The following NHSL2 variants were observed in gnomAD, a reference collection of about 807,000 sequenced individuals.
The protein encoded by NHSL2 is NHS-like protein 2.
Under a neutral mutation model 53.4 loss-of-function variants are expected in NHSL2, and 27 were observed. The observed-to-expected ratio is 0.51, with a 90% CI of 0.37 to 0.70. NHSL2 has a LOEUF of 0.70. NHSL2 is among the 30% of genes least tolerant of loss of function. The pLI is 0.00. For missense variants in NHSL2, 892 were observed against 980.1 expected, an observed-to-expected ratio of 0.91 and a Z score of 1.20; for synonymous variants, 408 against 404.1, an observed-to-expected ratio of 1.01 and a Z score of -0.12.
intron 1 of NHSL2, among the ~76,000 whole-genome samples, chrX:72,064,109 T>G (rs1330758160): frequency 1.8e-5 from 2 of 111,620 alleles, no homozygotes; most frequent in Non-Finnish European, 3.8e-5. Context: ...AAGAGAAGTT[T>G]ATGTTTCAGG....
rs572341327 is a variant in NHSL2, at chrX:71,934,363, A to G, written c.280+22996A>G. 5.3e-3 allele frequency among the ~76,000 whole-genome samples: 599 copies of G among 112,184 alleles called. 3 individuals carry two copies. Among genetic ancestry groups the G allele is most frequent in the African/African-American group, 0.019 (579 of 30,910 alleles). On this transcript the variant is annotated intron_variant, in intron 1 of 7. Transcript: ENST00000633930. ...ACTTCTTTAGGACTCAGTTGAAGCC[A>G]TAATGCCTGCTCCCAAAATACACGT...
chrX:72,003,445 C>T (rs1269645580), intron 1 of NHSL2, among the ~76,000 whole-genome samples: 1 of 111,735 alleles, frequency 8.9e-6, no homozygotes, highest in Non-Finnish European at 1.9e-5. Context: ...GTGTCCACAG[C>T]CCTGCTTAGG....
intron 7 of NHSL2, among the ~76,000 whole-genome samples, chrX:72,142,652 C>A (rs763742333): frequency 3.6e-5 from 4 of 110,202 alleles, no homozygotes; most frequent in Non-Finnish European, 5.7e-5. Context: ...TGAGAGGCCC[C>A]TCGTCTCCTA....
At chrX:72,131,663 C>T (rs1164801066) in intron 1 of NHSL2, 15 of 726,261 alleles carry the variant, frequency 2.1e-5, no homozygotes, top group Non-Finnish European at 2.9e-5. Flanking sequence ...GGCAGCGGGG[C>T]ACGGGCCAGG....
At chrX:72,032,752 G>A (rs908119215) in intron 1 of NHSL2, among the ~76,000 whole-genome samples, 1 of 111,004 alleles carries the variant, frequency 9.0e-6, no homozygotes, top group Non-Finnish European at 1.9e-5. Context: ...CCAGCTCCTC[G>A]GGAGGCTGAG....
intron 1 of NHSL2, among the ~76,000 whole-genome samples, chrX:71,965,798 T>C (rs1056190487): frequency 1.8e-5 from 2 of 112,463 alleles, no homozygotes; most frequent in Admixed American, 1.9e-4. Flanking sequence ...AGTTTTGTAG[T>C]TTTCCTCACA....
rs2042314925 is a variant in NHSL2, at chrX:72,132,365, A to T, written c.436+131A>T. 4 of 624,152 alleles carry T rather than the reference A, an allele frequency of 6.4e-6. No homozygotes were observed. In the East Asian group the frequency reaches 1.6e-4, roughly 25 times the overall value. 51.4% of individuals were successfully genotyped at this position (624,152 alleles called of 1,213,427 possible). ...AGAGTTTAAAAACAATCGACAAAGC[A>T]GTTTCCAGCTTTCACCTTTCAGCCT... On this transcript the variant is annotated intron_variant, in intron 2 of 7. Transcript: ENST00000633930.
At chrX:72,011,731 C>A (rs1311612058) in intron 1 of NHSL2, among the ~76,000 whole-genome samples, 1 of 111,915 alleles carries the variant, frequency 8.9e-6, no homozygotes, top group Non-Finnish European at 1.9e-5. Context: ...ACATTCCCAC[C>A]AGCAATGTAT....
At chrX:71,983,809 G>A (rs1002523709) in intron 1 of NHSL2, among the ~76,000 whole-genome samples, 1 of 111,818 alleles carries the variant, frequency 8.9e-6, no homozygotes, top group African/African-American at 3.3e-5. Flanking sequence ...CTGTCATGGT[G>A]CTGGTGGGAA....
intron 1 of NHSL2, among the ~76,000 whole-genome samples, chrX:72,076,428 G>A (rs890986291): frequency 9.0e-6 from 1 of 111,365 alleles, no homozygotes; most frequent in African/African-American, 3.3e-5. Context: ...CAAAAGTAAG[G>A]TGACATTCCC....
intron 1 of NHSL2, among the ~76,000 whole-genome samples, chrX:72,055,689 A>G (rs936445117): frequency 3.6e-5 from 4 of 112,105 alleles, no homozygotes; most frequent in Non-Finnish European, 7.5e-5. Flanking sequence ...TCCCCTCTTG[A>G]TAAATGTGGG....
chrX:71,964,070 T>TATGTATATATATATATATGTGTATATATA (rs2041889666), intron 1 of NHSL2, among the ~76,000 whole-genome samples: 1 of 92,976 alleles, frequency 1.1e-5, no homozygotes, highest in Non-Finnish European at 2.1e-5. Context: ...TATATATATA[T>TATGTATATATATATATATGTGTATATATA]TATTATTATT....
intron 4 of NHSL2, among the ~76,000 whole-genome samples, chrX:72,135,489 C>A (rs779839510): frequency 1.8e-4 from 20 of 111,568 alleles, no homozygotes; most frequent in Admixed American, 1.0e-3. Context: ...ATCTCAGTAA[C>A]CTAAAGGGAT....
rs1452740054 is a variant in NHSL2 at position 72,130,482 on chromosome X, G to A, written c.281-1597G>A. 1 of 1,210,803 alleles carries A rather than the reference G, an allele frequency of 8.3e-7. No individual in the cohort carries two copies. Among genetic ancestry groups the A allele is most frequent in the Non-Finnish European group, 1.1e-6 (1 of 895,148 alleles). Reference sequence around the variant, plus strand: ...GGTCCTTGGAGTGAAGCCTGTGCCTGCGTGCCTCTTGGTCTTCATCTTCAC... The same window carrying A: ...GGTCCTTGGAGTGAAGCCTGTGCCTACGTGCCTCTTGGTCTTCATCTTCAC... On this transcript the variant is annotated intron_variant, in intron 1 of 7. Coordinates refer to ENST00000633930, the MANE Select transcript of NHSL2 (RefSeq NM_001013627.3).
intron 1 of NHSL2, among the ~76,000 whole-genome samples, chrX:72,045,269 C>T (rs1299119005): frequency 8.9e-6 from 1 of 112,253 alleles, no homozygotes; most frequent in East Asian, 2.8e-4. Context: ...GGTGAAATAG[C>T]AGTCCTGGGC....
chrX:72,099,767 T>C (rs771445645), intron 1 of NHSL2, among the ~76,000 whole-genome samples: 8 of 112,491 alleles, frequency 7.1e-5, no homozygotes, highest in Non-Finnish European at 1.1e-4. Flanking sequence ...ATATCAAAAA[T>C]AGTGTCTTAC....
intron 1 of NHSL2, among the ~76,000 whole-genome samples, chrX:72,117,818 T>TTTTTTTTATTTA (rs1556365650): frequency 7.1e-4 from 68 of 95,492 alleles, no homozygotes; most frequent in African/African-American, 2.3e-3. Flanking sequence ...TAGACCACAT[T>TTTTTTTTATTTA]TTTATTTATT....
chrX:71,964,725 T>C (rs2041893746), intron 1 of NHSL2, among the ~76,000 whole-genome samples: 1 of 112,146 alleles, frequency 8.9e-6, no homozygotes, highest in Admixed American at 9.5e-5. Context: ...AGCCTGTATC[T>C]CCAATGAATA....
At chrX:72,090,216 A>G (rs1016752533) in intron 1 of NHSL2, among the ~76,000 whole-genome samples, 1 of 110,298 alleles carries the variant, frequency 9.1e-6, no homozygotes, top group Admixed American at 9.6e-5. Context: ...GGCACACGCC[A>G]CCTCACCCGG....
Sources: allele counts gnomAD v4.1 joint callset (sites outside exome capture counted in the v4.1 genomes callset), GRCh38; gene constraint gnomAD v4.1.1; transcripts MANE v1.5; gene names NCBI Gene and HGNC (gene_info 2026-07-23, HGNC 2026-07-21).